The following TANC2 variants were observed in gnomAD, a reference collection of about 807,000 sequenced individuals.
TANC2 encodes tetratricopeptide repeat, ankyrin repeat and coiled-coil containing 2.
A neutral mutation model predicts 210.5 loss-of-function variants in TANC2; 26 were observed. That is an observed-to-expected ratio of 0.12 (90% CI 0.09 to 0.17). TANC2 has a LOEUF of 0.17. TANC2 is among the 10% of genes least tolerant of loss of function. The probability of loss-of-function intolerance (pLI) is 1.00; values close to 1 mark genes in which losing one functional copy is unlikely to be tolerated. For missense variants in TANC2, 2,129 were observed against 2,608.9 expected (o/e 0.82, Z 4.01); for synonymous variants, 931 against 967.1 (o/e 0.96, Z 0.69).
intron 1 of TANC2, among the ~76,000 whole-genome samples, chr17:63,005,943 T>TGTGA (rs2033609604): frequency 7.0e-6 from 1 of 142,560 alleles, no homozygotes; most frequent in Non-Finnish European, 1.5e-5. Context: ...TGTGTGTGTG[T>TGTGA]GTGAAGAGTT....
Position 63,420,419 on chromosome 17 carries a change from A to G in TANC2, c.4689A>G (p.Arg1563=), listed in dbSNP as rs200208895. Reference sequence around the variant, plus strand: ...GTAGTTCTGTAGGCTCTCCCACTAGACAGACCTATCAGTCCACCTCACCTG... The same window carrying G: ...GTAGTTCTGTAGGCTCTCCCACTAGGCAGACCTATCAGTCCACCTCACCTG... Residue 1563 remains arginine, a synonymous_variant, in exon 28 of 28, where the codon AGA becomes AGG. Transcript: ENST00000689528. The surrounding 1 kb of genome is among the most constrained non-coding windows in gnomAD (Gnocchi z 4.2). 588 of 1,613,910 alleles carry G rather than the reference A, an allele frequency of 3.6e-4. 4 individuals carry two copies. The Middle Eastern group carries it at 0.016, about 45-fold the overall frequency.
chr17:62,987,018 A>T (rs537895591), intron 1 of TANC2, among the ~76,000 whole-genome samples: 1 of 152,270 alleles, frequency 6.6e-6, no homozygotes, highest in South Asian at 2.1e-4. Context: ...GCTGTTTCTC[A>T]TGCCCTGCAT....
At chr17:63,060,512 T>C (rs566266097) in intron 2 of TANC2, among the ~76,000 whole-genome samples, 41 of 152,156 alleles carry the variant, frequency 2.7e-4, no homozygotes, top group Non-Finnish European at 4.9e-4. Flanking sequence ...TCCCAGCTAC[T>C]CAGGAGGCTG....
chr17:62,975,764 G>A (rs1461547240), intron 1 of TANC2, among the ~76,000 whole-genome samples: 1 of 151,546 alleles, frequency 6.6e-6, no homozygotes, highest in Non-Finnish European at 1.5e-5. Context: ...TTGTATGAGG[G>A]GCCAAAAATC....
chr17:63,284,273 C>A (rs182622233), intron 9 of TANC2, among the ~76,000 whole-genome samples: 4 of 151,966 alleles, frequency 2.6e-5, no homozygotes, highest in South Asian at 2.1e-4. Context: ...AATCTAACTT[C>A]GCATTCCTAA....
At chr17:63,245,597 C>T (rs772067854) in intron 8 of TANC2, among the ~76,000 whole-genome samples, 7 of 151,848 alleles carry the variant, frequency 4.6e-5, no homozygotes, top group Non-Finnish European at 7.4e-5. Context: ...AATCCCAGCA[C>T]GTTGAGAGGC....
chr17:63,353,631 G>A (rs1196976793), intron 13 of TANC2, among the ~76,000 whole-genome samples: 2 of 152,056 alleles, frequency 1.3e-5, no homozygotes, highest in Non-Finnish European at 2.9e-5. Context: ...AATGGCTAGA[G>A]AAGAGGAAAG....
intron 5 of TANC2, among the ~76,000 whole-genome samples, chr17:63,186,826 A>ATGC (rs2041005545): frequency 6.6e-6 from 1 of 152,192 alleles, no homozygotes; most frequent in African/African-American, 2.4e-5. Context: ...TACAAATTTA[A>ATGC]ATAGTTTTAA....
chr17:63,191,373 A>G (rs973436918), intron 5 of TANC2, among the ~76,000 whole-genome samples: 3 of 151,338 alleles, frequency 2.0e-5, no homozygotes, highest in Non-Finnish European at 4.4e-5. Flanking sequence ...TTTTGCACCA[A>G]ACTAATAAAT....
At chr17:63,122,619 C>T (rs1028435163) in intron 4 of TANC2, among the ~76,000 whole-genome samples, 1 of 152,098 alleles carries the variant, frequency 6.6e-6, no homozygotes, top group Non-Finnish European at 1.5e-5. Context: ...TGCCTGTAAT[C>T]CCAGCTACTT....
At chr17:63,207,102 T>A (rs951993162) in intron 7 of TANC2, among the ~76,000 whole-genome samples, 1 of 152,104 alleles carries the variant, frequency 6.6e-6, no homozygotes, top group African/African-American at 2.4e-5. Context: ...TCCAGTACTT[T>A]CTTTCATGAT....
intron 2 of TANC2, among the ~76,000 whole-genome samples, chr17:63,042,075 G>A (rs1185828178): frequency 6.6e-6 from 1 of 152,102 alleles, no homozygotes; most frequent in Non-Finnish European, 1.5e-5. Flanking sequence ...ATAGTCTGCT[G>A]GAATATAGTT....
intron 12 of TANC2, among the ~76,000 whole-genome samples, chr17:63,347,479 T>C (rs533784401): frequency 5.6e-4 from 86 of 152,324 alleles, no homozygotes; most frequent in African/African-American, 1.9e-3. Flanking sequence ...ATTCACTATA[T>C]ATAAATTTTG....
At chr17:63,245,537 G>A (rs1321071908) in intron 8 of TANC2, among the ~76,000 whole-genome samples, 1 of 151,880 alleles carries the variant, frequency 6.6e-6, no homozygotes, top group Non-Finnish European at 1.5e-5. Context: ...GTGAAACCCC[G>A]TCTCTACTAA....
chr17:63,228,470 G>A (rs1005727152), intron 7 of TANC2, among the ~76,000 whole-genome samples: 2 of 152,168 alleles, frequency 1.3e-5, no homozygotes, highest in Non-Finnish European at 2.9e-5. Context: ...TTTGAAGAAT[G>A]TCAGTGATAG....
At chr17:63,310,040 T>G (rs1164077912) in intron 9 of TANC2, among the ~76,000 whole-genome samples, 1 of 152,184 alleles carries the variant, frequency 6.6e-6, no homozygotes, top group African/African-American at 2.4e-5. Flanking sequence ...GTTAATGTTT[T>G]TATACTCTTG....
intron 8 of TANC2, among the ~76,000 whole-genome samples, chr17:63,262,512 T>A (rs2043395245): frequency 6.6e-6 from 1 of 152,188 alleles, no homozygotes; most frequent in Non-Finnish European, 1.5e-5. Context: ...TTTTTTCATC[T>A]ACTGCCTATC....
intron 2 of TANC2, among the ~76,000 whole-genome samples, chr17:63,063,456 T>G (rs2036068357): frequency 6.6e-6 from 1 of 151,644 alleles, no homozygotes. Flanking sequence ...ATTAACTCAT[T>G]AGAACAAAGG....
At chr17:63,139,131 C>G (rs2039196295) in intron 4 of TANC2, among the ~76,000 whole-genome samples, 1 of 152,152 alleles carries the variant, frequency 6.6e-6, no homozygotes, top group South Asian at 2.1e-4. Flanking sequence ...TATGAGAAGT[C>G]TTTTTTTAAC....
Sources: allele counts gnomAD v4.1 joint callset (sites outside exome capture counted in the v4.1 genomes callset), GRCh38; gene constraint gnomAD v4.1.1; non-coding constraint Gnocchi (gnomAD v3.1); transcripts MANE v1.5; gene names NCBI Gene and HGNC (gene_info 2026-07-23, HGNC 2026-07-21).